ADAM22: variants seen among roughly 807,000 people sequenced by gnomAD.
ADAM22 encodes ADAM metallopeptidase domain 22.
A neutral mutation model predicts 144.6 loss-of-function variants in ADAM22; 65 were observed. That is an observed-to-expected ratio of 0.45 (90% CI 0.37 to 0.55). ADAM22 has a LOEUF of 0.55. ADAM22 is among the 20% of genes least tolerant of loss of function. ADAM22 has a pLI of 0.00. For missense variants in ADAM22, 974 were observed against 1,184.9 expected, an observed-to-expected ratio of 0.82 and a Z score of 2.61; for synonymous variants, 391 against 412.6, an observed-to-expected ratio of 0.95 and a Z score of 0.63.
chr7:88,039,185 C>T (rs186677652), intron 3 of ADAM22, among the ~76,000 whole-genome samples: 117 of 151,956 alleles, frequency 7.7e-4, no homozygotes, highest in African/African-American at 2.7e-3. Flanking sequence ...TGGCTCACAC[C>T]TGTAATCCCA....
At chr7:88,045,671 GTC>G (rs1326003776) in intron 3 of ADAM22, among the ~76,000 whole-genome samples, 1 of 152,036 alleles carries the variant, frequency 6.6e-6, no homozygotes, top group Non-Finnish European at 1.5e-5. Context: ...TTTAACCAGT[GTC>G]TCTCTGTACA....
chr7:88,026,348 A>G (rs543901026), intron 3 of ADAM22, among the ~76,000 whole-genome samples: 207 of 152,272 alleles, frequency 1.4e-3, no homozygotes, highest in African/African-American at 4.7e-3. Flanking sequence ...GGTGCCACAT[A>G]CTTTTAACAA....
intron 2 of ADAM22, among the ~76,000 whole-genome samples, chr7:87,935,415 G>A: frequency 6.6e-6 from 1 of 152,208 alleles, no homozygotes; most frequent in East Asian, 1.9e-4. Flanking sequence ...GTTTGTGCGG[G>A]GTGCCTTCAG....
In ADAM22 at chr7:87,973,776, A is replaced by C. The variant is rs573971136; in HGVS notation, c.247-4560A>C. 5.9e-5 allele frequency among the ~76,000 whole-genome samples: 9 copies of C among 152,298 alleles called. No individual in the cohort carries two copies. In the East Asian group the frequency reaches 1.5e-3, roughly 26 times the overall value. On this transcript the variant is annotated intron_variant, in intron 2 of 31. Transcript: ENST00000413139. Reference sequence around the variant, plus strand: ...TGCAGCCATGAAAAATGATGAGCTCATGTCCTTTGTAGGGACATGGATGAA... The same window carrying C: ...TGCAGCCATGAAAAATGATGAGCTCCTGTCCTTTGTAGGGACATGGATGAA...
intron 3 of ADAM22, among the ~76,000 whole-genome samples, chr7:88,064,093 G>C (rs1440804593): frequency 6.6e-6 from 1 of 152,168 alleles, no homozygotes; most frequent in African/African-American, 2.4e-5. Flanking sequence ...TAGTCCAGAT[G>C]TGAGCAGGAG....
At chr7:88,008,846 T>A (rs1172309589) in intron 3 of ADAM22, among the ~76,000 whole-genome samples, 1 of 151,126 alleles carries the variant, frequency 6.6e-6, no homozygotes, top group Non-Finnish European at 1.5e-5. Flanking sequence ...TGTATACATA[T>A]GTAACTAACC....
chr7:88,145,251 G>A, intron 16 of ADAM22, 55 bp downstream of exon 16: 1 of 1,581,742 alleles, frequency 6.3e-7, no homozygotes, highest in Middle Eastern at 1.7e-4. Flanking sequence ...GTCATTCCAG[G>A]TCCACACACT....
chr7:88,166,698 T>G (rs1843015588), intron 24 of ADAM22, among the ~76,000 whole-genome samples: 1 of 152,186 alleles, frequency 6.6e-6, no homozygotes, highest in African/African-American at 2.4e-5. Context: ...TTAGCTAATA[T>G]GACTTTTATA....
At chr7:88,180,160 A>G (rs192935618) in intron 27 of ADAM22, among the ~76,000 whole-genome samples, 105 of 152,204 alleles carry the variant, frequency 6.9e-4, no homozygotes, top group Admixed American at 6.8e-3. Flanking sequence ...CACTTAGATA[A>G]TGTAGCTTCC....
At chr7:87,989,098 G>T (rs1209796558) in intron 3 of ADAM22, among the ~76,000 whole-genome samples, 1 of 152,172 alleles carries the variant, frequency 6.6e-6, no homozygotes, top group Non-Finnish European at 1.5e-5. Context: ...CTTAATCAGA[G>T]ATGTTTCCAC....
chr7:88,089,509 T>G (rs969546845), intron 4 of ADAM22, among the ~76,000 whole-genome samples: 2 of 152,188 alleles, frequency 1.3e-5, no homozygotes, highest in Non-Finnish European at 2.9e-5. Flanking sequence ...ATTTTCATTT[T>G]TCTTTTCCAA....
chr7:88,182,276 G>A (rs1286703054), intron 29 of ADAM22, among the ~76,000 whole-genome samples: 1 of 152,076 alleles, frequency 6.6e-6, no homozygotes, highest in African/African-American at 2.4e-5. Context: ...CCAGTCACCT[G>A]CCATTGTGGG....
At chr7:87,938,104 A>G (rs746501221) in intron 2 of ADAM22, among the ~76,000 whole-genome samples, 2 of 152,104 alleles carry the variant, frequency 1.3e-5, no homozygotes, top group Non-Finnish European at 2.9e-5. Flanking sequence ...CCTAAGAGCA[A>G]TCATTGGATT....
intron 2 of ADAM22, among the ~76,000 whole-genome samples, chr7:87,969,678 A>G (rs1562881581): frequency 6.6e-6 from 1 of 152,230 alleles, no homozygotes; most frequent in Non-Finnish European, 1.5e-5. Flanking sequence ...TTCCACTGGT[A>G]AATGGAAGAC....
chr7:88,018,707 A>G (rs1253298497), intron 3 of ADAM22, among the ~76,000 whole-genome samples: 7 of 152,196 alleles, frequency 4.6e-5, no homozygotes, highest in Non-Finnish European at 2.9e-5. Flanking sequence ...TTCGCTTCCT[A>G]TTTTACTGCT....
intron 2 of ADAM22, among the ~76,000 whole-genome samples, chr7:87,975,372 T>A (rs1021603576): frequency 6.6e-6 from 1 of 152,182 alleles, no homozygotes; most frequent in African/African-American, 2.4e-5. Context: ...CACTACTTTG[T>A]CCCCCAAATC....
chr7:88,051,567 G>A (rs1806394044), intron 3 of ADAM22, among the ~76,000 whole-genome samples: 1 of 152,044 alleles, frequency 6.6e-6, no homozygotes, highest in Non-Finnish European at 1.5e-5. Flanking sequence ...GGGGGGAGGA[G>A]GGAGGGATAG....
chr7:88,092,188 G>T (rs1820041670), intron 4 of ADAM22, among the ~76,000 whole-genome samples: 2 of 152,106 alleles, frequency 1.3e-5, no homozygotes, highest in Non-Finnish European at 1.5e-5. Context: ...AGTTTTATGG[G>T]CAAGAGTAAC....
chr7:88,040,686 T>C (rs936535180), intron 3 of ADAM22, among the ~76,000 whole-genome samples: 2 of 152,054 alleles, frequency 1.3e-5, no homozygotes, highest in East Asian at 3.8e-4. Flanking sequence ...TCTCACACTT[T>C]ATGTGGTTCA....
Sources: gnomAD v4.1 joint callset for allele counts (sites outside exome capture counted in the v4.1 genomes callset) on GRCh38, gnomAD v4.1.1 for gene constraint, MANE v1.5 for transcripts, NCBI Gene and HGNC (gene_info 2026-07-23, HGNC 2026-07-21) for gene names.